The following AP2A2 variants were observed in gnomAD, a reference collection of about 807,000 sequenced individuals.
AP2A2 encodes the protein adaptor related protein complex 2 subunit alpha 2, also known as AP-2 complex subunit alpha-2.
AP2A2 carries 32 observed loss-of-function variants against 104.2 expected under a neutral mutation model. The ratio of observed to expected loss-of-function variants is 0.31; its 90% confidence interval spans 0.23 to 0.41. The LOEUF (loss-of-function observed/expected upper bound fraction) is 0.41. Among genes scored for constraint, AP2A2 ranks in the 10% least tolerant of loss-of-function variants. The pLI, the probability that AP2A2 is intolerant of heterozygous loss-of-function variation, is 1.00. For synonymous variants in AP2A2, 539 were observed against 533.3 expected (o/e 1.01, Z -0.15); for missense variants, 912 against 1,261.0 (o/e 0.72, Z 4.19).
intron 14 of AP2A2, chr11:996,062 C>T (rs543323497): frequency 6.6e-6 from 1 of 152,304 alleles, no homozygotes; most frequent in South Asian, 2.1e-4. Context: ...TGTCACTCCT[C>T]TAATCCATCT....
intron 2 of AP2A2, among the ~76,000 whole-genome samples, chr11:961,806 C>T (rs1329084354): frequency 1.4e-5 from 2 of 142,980 alleles, no homozygotes; most frequent in Admixed American, 7.1e-5. Context: ...ACAGAGTCGC[C>T]GCCACGAGTG....
chr11:973,298 G>T (rs558880722), intron 4 of AP2A2, among the ~76,000 whole-genome samples: 6 of 152,334 alleles, frequency 3.9e-5, no homozygotes, highest in Non-Finnish European at 5.9e-5. Flanking sequence ...AGTGGGTAGA[G>T]ACCAGGGTGC....
chr11:991,837 C>T (rs138145198), intron 10 of AP2A2, among the ~76,000 whole-genome samples: 6 of 151,976 alleles, frequency 3.9e-5, no homozygotes, highest in South Asian at 2.1e-4. Flanking sequence ...TGCCTGCTGG[C>T]GTTGGTGTTG....
rs201062165 is a variant in AP2A2, at chr11:927,583, A to AGGC, written c.67+1496_67+1498dup. 7.9e-3 allele frequency among the ~76,000 whole-genome samples: 1,202 copies of AGGC among 151,612 alleles called. 9 individuals are homozygous for AGGC. Among genetic ancestry groups the AGGC allele is most frequent in the African/African-American group, 0.027 (1,123 of 41,320 alleles). The stretch of plus-strand genomic sequence containing the variant: ...ATAGTCCCAGCATTTTGGGAGGCTG[A>AGGC]GGCAGGTGGATCTTTTGAGCCCAGA... On this transcript the variant is annotated intron_variant, in intron 1 of 21. Coordinates refer to ENST00000448903, the MANE Select transcript of AP2A2 (RefSeq NM_012305.4).
At chr11:984,402 T>A (rs770715530) in intron 6 of AP2A2, among the ~76,000 whole-genome samples, 3 of 152,154 alleles carry the variant, frequency 2.0e-5, no homozygotes, top group African/African-American at 7.2e-5. Context: ...ATCCAGGTGC[T>A]ATGGTGTCTT....
In AP2A2 at chr11:925,871, GA is replaced by G. The variant is rs1319714683; in HGVS notation, c.-148del. 4.4e-6 allele frequency: 2 copies of G among 457,300 alleles called. No homozygotes were observed. Among genetic ancestry groups the G allele is most frequent in the Non-Finnish European group, 3.4e-6 (1 of 291,898 alleles). The allele number at this position is 457,300 out of a possible 1,614,324, so 28.3% of individuals were successfully genotyped here. A position where few individuals can be genotyped will look rare whatever the true frequency, so the allele number is the denominator to read the frequency against. Reference sequence around the variant, plus strand: ...GTACGTGCGCGCGCGCGGCGGCCCAGAAAGCGGCGCTGGGACCCTGAGGCGG... The same window carrying G: ...GTACGTGCGCGCGCGCGGCGGCCCAGAAGCGGCGCTGGGACCCTGAGGCGG... On this transcript the variant is annotated 5_prime_UTR_variant, in exon 1 of 22. Transcript: ENST00000448903.
At chr11:994,284 G>A (rs753712208) in intron 14 of AP2A2, 39 bp downstream of exon 14, 35 of 1,605,010 alleles carry the variant, frequency 2.2e-5, no homozygotes, top group Non-Finnish European at 2.9e-5. Flanking sequence ...ACCTGTCAGG[G>A]CCTCACCCCC....
intron 1 of AP2A2, among the ~76,000 whole-genome samples, chr11:937,282 A>C (rs958301871): frequency 2.6e-5 from 4 of 151,982 alleles, no homozygotes; most frequent in African/African-American, 9.7e-5. Flanking sequence ...GGCCTCCCAA[A>C]GTGCTGGGAT....
intron 4 of AP2A2, among the ~76,000 whole-genome samples, chr11:973,850 G>A (rs1854919528): frequency 6.6e-6 from 1 of 152,240 alleles, no homozygotes; most frequent in Admixed American, 6.5e-5. Flanking sequence ...TGGGCTCTGA[G>A]GTTTCTGTCC....
intron 8 of AP2A2, 31 bp downstream of exon 8, chr11:985,613 C>T (rs569857643): frequency 6.2e-7 from 1 of 1,613,156 alleles, no homozygotes; most frequent in Non-Finnish European, 8.5e-7. Context: ...GAGGCTTCGT[C>T]TCGCGCACAC....
chr11:1,003,931 T>A, intron 16 of AP2A2, 127 bp downstream of exon 16: 1 of 489,212 alleles, frequency 2.0e-6, no homozygotes. Context: ...CATAACTCAG[T>A]AAGAAAGCAG....
At chr11:959,061 T>C (rs761004688) in intron 1 of AP2A2, among the ~76,000 whole-genome samples, 24 of 152,384 alleles carry the variant, frequency 1.6e-4, no homozygotes, top group Admixed American at 9.8e-4. Flanking sequence ...CTCCGTGTTA[T>C]TAGCGGATGA....
At chr11:1,002,873 C>T (rs1464320632) in intron 15 of AP2A2, among the ~76,000 whole-genome samples, 4 of 152,202 alleles carry the variant, frequency 2.6e-5, no homozygotes, top group Non-Finnish European at 5.9e-5. Flanking sequence ...GCTTCTTAGG[C>T]ACTGGGGTGG....
chr11:936,696 T>C (rs959172218), intron 1 of AP2A2, among the ~76,000 whole-genome samples: 2 of 152,184 alleles, frequency 1.3e-5, no homozygotes, highest in African/African-American at 2.4e-5. Context: ...CCTGGTTTAT[T>C]ATTAGATGCT....
intron 21 of AP2A2, chr11:1,010,180 G>A (rs1856372728): frequency 2.1e-6 from 1 of 477,594 alleles, no homozygotes; most frequent in African/African-American, 1.9e-5. Context: ...TCACCGCGTT[G>A]TTCCTTCTCA....
rs372663181 is a variant in AP2A2 at position 950,031 on chromosome 11, C to T, written c.68-9406C>T. The stretch of plus-strand genomic sequence containing the variant: ...TGGTATAAGGACAGATACGTAGATA[C>T]TGAGATAATAATATTGAGAGTACAG... On this transcript the variant is annotated intron_variant, in intron 1 of 21. Transcript: ENST00000448903. Among the ~76,000 whole-genome samples, 3 of 152,190 alleles carry T rather than the reference C, an allele frequency of 2.0e-5. No individual in the cohort carries two copies. In the East Asian group the frequency reaches 5.8e-4, roughly 29 times the overall value.
Position 978,384 on chromosome 11 carries a change from C to T in AP2A2, c.603+1160C>T, listed in dbSNP as rs114681704. Among the ~76,000 whole-genome samples, 288 of 152,304 alleles carry T rather than the reference C, an allele frequency of 1.9e-3. 1 individual carries two copies. The highest frequency in any genetic ancestry group is 6.8e-3 in the African/African-American group (281 of 41,564). On this transcript the variant is annotated intron_variant, in intron 5 of 21. Transcript: ENST00000448903. The stretch of plus-strand genomic sequence containing the variant: ...CCGCAGGGTCACCCTGAGTGCTTTT[C>T]AGGGTGGCAGGGCCTTGCCTCAGAT...
At chr11:965,240 C>A (rs12224334) in intron 2 of AP2A2, among the ~76,000 whole-genome samples, 1 of 124,294 alleles carries the variant, frequency 8.0e-6, no homozygotes. Context: ...ATGGAACGGG[C>A]GGGAAATTAA....
At chr11:970,585 C>T (rs936051496) in intron 3 of AP2A2, among the ~76,000 whole-genome samples, 1 of 152,274 alleles carries the variant, frequency 6.6e-6, no homozygotes, top group Admixed American at 6.5e-5. Flanking sequence ...GATGAGGTGG[C>T]CATGCCTTTT....
Sources: gnomAD v4.1 joint callset for allele counts (sites outside exome capture counted in the v4.1 genomes callset) on GRCh38, gnomAD v4.1.1 for gene constraint, MANE v1.5 for transcripts, NCBI Gene and HGNC (gene_info 2026-07-23, HGNC 2026-07-21) for gene names.